TLX3: variants seen among roughly 807,000 people sequenced by gnomAD.
The protein encoded by TLX3 is T cell leukemia homeobox 3, also known as T-cell leukemia homeobox protein 3.
TLX3 carries 11 observed loss-of-function variants against 19.6 expected under a neutral mutation model. The ratio of observed to expected loss-of-function variants is 0.56; its 90% CI spans 0.35 to 0.93. TLX3 has a LOEUF of 0.93. TLX3 is among the 40% of genes least tolerant of loss of function. The pLI, the probability that TLX3 is intolerant of heterozygous loss-of-function variation, is 0.01. For missense variants in TLX3, 375 were observed against 418.6 expected (o/e 0.90, Z 0.91); for synonymous variants, 221 against 188.1 (o/e 1.17, Z -1.43).
chr5:171,309,513 G>T lies in TLX3; in HGVS notation c.148G>T (p.Gly50Cys), dbSNP rs769758584. ...GASYLGGPPGGRPGATYPSLP... is the reference protein window; with the variant it reads ...GASYLGGPPGCRPGATYPSLP... ...CAGCTACCTGGGAGGGCCCCCCGGG[G>T]GCCGTCCGGGCGCCACATACCCGTC... is the stretch of plus-strand genomic sequence containing the variant. The change falls in exon 1 of 3, where the codon GGC becomes TGC. Residue 50 changes from glycine to cysteine, a missense_variant. Gly to Cys is a radical substitution (Grantham distance 159). This residue lies in a region of TLX3 where 239 missense variants were observed against 217.0 expected (regional missense o/e 1.10). Coordinates refer to ENST00000296921, the MANE Select transcript of TLX3 (RefSeq NM_021025.4). 13 of 1,564,856 alleles carry T rather than the reference G, an allele frequency of 8.3e-6. No homozygotes were observed. In the South Asian group the frequency reaches 1.5e-4, roughly 18 times the overall value.
chr5:171,310,037 A>C, intron 1 of TLX3, 113 bp from the exon 2 acceptor site: 1 of 1,432,640 alleles, frequency 7.0e-7, no homozygotes, highest in Non-Finnish European at 9.2e-7. Context: ...AACGCGCGCG[A>C]CCAGCGAAAT....
In TLX3 at chr5:171,311,617, G is replaced by T. The variant is rs1268579906; in HGVS notation, c.*18G>T. On this transcript the variant is annotated 3_prime_UTR_variant, in exon 3 of 3. Coordinates refer to ENST00000296921, the MANE Select transcript of TLX3 (RefSeq NM_021025.4). This position sits in a 1 kb window ranked among gnomAD's most constrained non-coding sequence, Gnocchi z 5.1. ...TGGTGTGAGCCCACCAGCGCGCACC[G>T]TCGCCACGGATCGCCGCCCCCACCC... 1 of 1,579,786 alleles carries T rather than the reference G, an allele frequency of 6.3e-7. No homozygotes were observed. Among genetic ancestry groups the T allele is most frequent in the South Asian group, 1.1e-5 (1 of 88,044 alleles).
rs757786939 is a variant in TLX3 at position 171,311,955 on chromosome 5, T to C, written c.*356T>C. 4.9e-6 allele frequency: 1 copy of C among 202,774 alleles called. No individual in the cohort carries two copies. The highest frequency in any genetic ancestry group is 1.0e-5 in the Non-Finnish European group (1 of 98,598). 12.6% of individuals were successfully genotyped at this position (202,774 alleles called of 1,614,324 possible). A position where few individuals can be genotyped will look rare whatever the true frequency, so the allele number is the denominator to read the frequency against. On this transcript the variant is annotated 3_prime_UTR_variant, in exon 3 of 3. Transcript: ENST00000296921. This position sits in a 1 kb window ranked among gnomAD's most constrained non-coding sequence, Gnocchi z 5.1. ...AATAATAAAAAAGTTTTGGCTTTTT[T>C]CTTTAGAAACCGGCCACCTGCTTCC...
intron 2 of TLX3, among the ~76,000 whole-genome samples, chr5:171,310,937 G>GGAAA (rs1769209480): frequency 1.3e-5 from 2 of 152,140 alleles, no homozygotes; most frequent in Admixed American, 1.3e-4. Flanking sequence ...GATCGCGTCT[G>GGAAA]GAAAGGGGTT....
In TLX3 at chr5:171,309,683, C is replaced by A. The variant is rs1483934469; in HGVS notation, c.318C>A (p.Ser106Arg). The A allele has an allele frequency of 3.1e-6, 5 of 1,609,614 alleles. No homozygotes were observed. Among genetic ancestry groups the A allele is most frequent in the Admixed American group, 1.7e-5 (1 of 59,766 alleles). The change falls in exon 1 of 3, where the codon AGC becomes AGA. Residue 106 changes from serine (S) to arginine (R), a missense_variant. Ser to Arg is a moderately radical substitution (Grantham distance 110). This residue lies in a region of TLX3 where 239 missense variants were observed against 217.0 expected (regional missense o/e 1.10). Transcript: ENST00000296921. Reference protein sequence around the residue: ...LPGAVPPPLPSALPAMPSVPT... With the variant: ...LPGAVPPPLPRALPAMPSVPT... ...GGGCCGTGCCACCGCCTCTGCCAAGCGCGCTACCCGCCATGCCCTCCGTGC... is the reference window on the plus strand; with the variant it reads ...GGGCCGTGCCACCGCCTCTGCCAAGAGCGCTACCCGCCATGCCCTCCGTGC...
At chr5:171,309,883 C>G in intron 1 of TLX3, 97 bp downstream of exon 1, 1 of 1,423,846 alleles carries the variant, frequency 7.0e-7, no homozygotes, top group East Asian at 2.5e-5. Context: ...ATTTCAGAGG[C>G]CCAAGCGCGG....
rs897434191 is a variant in TLX3 at position 171,311,285 on chromosome 5, G to C, written c.666-104G>C. 9.9e-7 allele frequency: 1 copy of C among 1,010,474 alleles called. No individual in the cohort carries two copies. The highest frequency in any genetic ancestry group is 2.8e-5 in the Admixed American group (1 of 35,838). 62.6% of individuals were successfully genotyped at this position (1,010,474 alleles called of 1,614,324 possible). On this transcript the variant is annotated intron_variant, in intron 2 of 2. Coordinates refer to ENST00000296921, the MANE Select transcript of TLX3 (RefSeq NM_021025.4). This position sits in a 1 kb window ranked among gnomAD's most constrained non-coding sequence, Gnocchi z 5.1. ...GGGAGGCAGACGGGTTCTGCGCCTCGAGGCTCCCGGATGGCCTCGGCTCCC... is the reference window on the plus strand; with the variant it reads ...GGGAGGCAGACGGGTTCTGCGCCTCCAGGCTCCCGGATGGCCTCGGCTCCC...
At position 171,311,264 on chromosome 5, in the gene TLX3, G is replaced by A. The variant is rs1769215590; in HGVS notation, c.666-125G>A. 2.1e-5 allele frequency: 16 copies of A among 745,294 alleles called. No individual in the cohort carries two copies. In the East Asian group the frequency reaches 4.4e-4, roughly 21 times the overall value. 46.2% of individuals were successfully genotyped at this position (745,294 alleles called of 1,614,324 possible). A position where few individuals can be genotyped will look rare whatever the true frequency, so the allele number is the denominator to read the frequency against. ...CTCGGGCGTAAAGCGCGGGCTGGGAGGCAGACGGGTTCTGCGCCTCGAGGC... is the reference window on the plus strand; with the variant it reads ...CTCGGGCGTAAAGCGCGGGCTGGGAAGCAGACGGGTTCTGCGCCTCGAGGC... On this transcript the variant is annotated intron_variant, in intron 2 of 2. Transcript: ENST00000296921. The surrounding 1 kb of genome is among the most constrained non-coding windows in gnomAD (Gnocchi z 5.1).
At position 171,311,113 on chromosome 5, in the gene TLX3, T is replaced by C. The variant is rs1156261606; in HGVS notation, c.666-276T>C. Among the ~76,000 whole-genome samples, 1 of 152,102 alleles carries C rather than the reference T, an allele frequency of 6.6e-6. No homozygotes were observed. Among genetic ancestry groups the C allele is most frequent in the African/African-American group, 2.4e-5 (1 of 41,432 alleles). On this transcript the variant is annotated intron_variant, in intron 2 of 2. Coordinates refer to ENST00000296921, the MANE Select transcript of TLX3 (RefSeq NM_021025.4). The surrounding 1 kb of genome is among the most constrained non-coding windows in gnomAD (Gnocchi z 5.1). Reference sequence around the variant, plus strand: ...CCTTGCTATCTGGCGAAAGGAACAATCTTTATTGTTGGTGAAGCCACAATA... The same window carrying C: ...CCTTGCTATCTGGCGAAAGGAACAACCTTTATTGTTGGTGAAGCCACAATA...
chr5:171,309,314 G>A lies in TLX3; in HGVS notation c.-52G>A. 1 of 1,431,158 alleles carries A rather than the reference G, an allele frequency of 7.0e-7. No individual in the cohort carries two copies. Among genetic ancestry groups the A allele is most frequent in the East Asian group, 2.6e-5 (1 of 38,150 alleles). The allele number at this position is 1,431,158 out of a possible 1,614,324, so 88.7% of individuals were successfully genotyped here. ...GCGCTCCATGGCCGCGCCGTAACGG[G>A]GACCCAGCCGCCTCCCCGCCCAGCC... On this transcript the variant is annotated 5_prime_UTR_variant, in exon 1 of 3. Coordinates refer to ENST00000296921, the MANE Select transcript of TLX3 (RefSeq NM_021025.4).
rs1197766933 is a variant in TLX3, at chr5:171,311,557, G to A, written c.834G>A (p.Glu278=). The A allele has an allele frequency of 5.0e-6, 8 of 1,612,906 alleles. No individual in the cohort carries two copies. Among genetic ancestry groups the A allele is most frequent in the South Asian group, 1.1e-5 (1 of 90,892 alleles). The part of the protein sequence containing the change: ...LFALQNLQPW[E]EDSSKVPAVT... Reference sequence around the variant, plus strand: ...CTCTGCAGAATCTGCAGCCCTGGGAGGAGGATAGTTCCAAGGTTCCCGCTG... The same window carrying A: ...CTCTGCAGAATCTGCAGCCCTGGGAAGAGGATAGTTCCAAGGTTCCCGCTG... The change falls in exon 3 of 3, where the codon GAG becomes GAA. Residue 278 remains glutamate, a synonymous_variant. Transcript: ENST00000296921. The surrounding 1 kb of genome is among the most constrained non-coding windows in gnomAD (Gnocchi z 5.1).
In TLX3 at chr5:171,310,393, G is replaced by T; in HGVS notation, c.665G>T (p.Arg222Leu). The change falls in exon 2 of 3, where the codon CGG becomes CTG. Residue 222 changes from arginine to leucine, a missense_variant and splice_region_variant. By Grantham distance (102) the Arg-to-Leu change is moderately radical. This residue lies in a region of TLX3 where 74 missense variants were observed against 138.6 expected (regional missense o/e 0.53). Transcript: ENST00000296921. ...TTCCAAAACCGGAGGACCAAGTGGC[G>T]GTGAGAGAGGCCTGACCCGGCCCAC... is the stretch of plus-strand genomic sequence containing the variant. ...TWFQNRRTKW[R>L]RQTAEEREAE... 1.2e-6 allele frequency: 2 copies of T among 1,613,140 alleles called. No individual in the cohort carries two copies. Among genetic ancestry groups the T allele is most frequent in the Non-Finnish European group, 1.7e-6 (2 of 1,179,712 alleles).
Position 171,309,327 on chromosome 5 carries a change from T to TGCCCCCCCCCCC in TLX3, c.-39_-38insGCCCCCCCCCCC. ...GCGCCGTAACGGGGACCCAGCCGCC[T>TGCCCCCCCCCCC]CCCCGCCCAGCCCAGCCCAGCCCTT... On this transcript the variant is annotated 5_prime_UTR_variant, in exon 1 of 3. Coordinates refer to ENST00000296921, the MANE Select transcript of TLX3 (RefSeq NM_021025.4). The TGCCCCCCCCCCC allele has an allele frequency of 6.8e-5, 66 of 976,948 alleles. No homozygotes were observed. The highest frequency in any genetic ancestry group is 8.0e-5 in the Admixed American group (3 of 37,292). The allele number at this position is 976,948 out of a possible 1,614,324, so 60.5% of individuals were successfully genotyped here.
At position 171,311,325 on chromosome 5, in the gene TLX3, C is replaced by T; in HGVS notation, c.666-64C>T. On this transcript the variant is annotated intron_variant, in intron 2 of 2. Coordinates refer to ENST00000296921, the MANE Select transcript of TLX3 (RefSeq NM_021025.4). The surrounding 1 kb of genome is among the most constrained non-coding windows in gnomAD (Gnocchi z 5.1). ...CCTCGGCTCCCGGGAGGGCCGGGGC[C>T]CCGCCGGCGGCCCCGCGGTGCCGGG... 2 of 1,463,532 alleles carry T rather than the reference C, an allele frequency of 1.4e-6. No individual in the cohort carries two copies. The highest frequency in any genetic ancestry group is 1.8e-6 in the Non-Finnish European group (2 of 1,095,070). 90.7% of individuals were successfully genotyped at this position (1,463,532 alleles called of 1,614,324 possible).
At chr5:171,309,869 A>T (rs1238175346) in intron 1 of TLX3, 83 bp downstream of exon 1, 2 of 1,455,072 alleles carry the variant, frequency 1.4e-6, no homozygotes, top group Non-Finnish European at 1.8e-6. Flanking sequence ...CACTCCCGGA[A>T]ACCATTTCAG....
Position 171,311,763 on chromosome 5 carries a change from G to A in TLX3, c.*164G>A, listed in dbSNP as rs987054156. On this transcript the variant is annotated 3_prime_UTR_variant, in exon 3 of 3. Coordinates refer to ENST00000296921, the MANE Select transcript of TLX3 (RefSeq NM_021025.4). This position sits in a 1 kb window ranked among gnomAD's most constrained non-coding sequence, Gnocchi z 5.1. ...ACAGACTGGCGGGCCGCGGAAGGGG[G>A]TAGGGCCCGAGCTCCGCGCGGCCGC... 54 of 486,648 alleles carry A rather than the reference G, an allele frequency of 1.1e-4. No individual in the cohort carries two copies. Among genetic ancestry groups the A allele is most frequent in the African/African-American group, 1.1e-3 (51 of 48,560 alleles). The allele number at this position is 486,648 out of a possible 1,614,324, so 30.1% of individuals were successfully genotyped here. A position where few individuals can be genotyped will look rare whatever the true frequency, so the allele number is the denominator to read the frequency against.
chr5:171,309,728 C>A lies in TLX3; in HGVS notation c.363C>A (p.Gly121=), dbSNP rs759903402. 1.9e-6 allele frequency: 3 copies of A among 1,610,888 alleles called. No homozygotes were observed. The highest frequency in any genetic ancestry group is 2.5e-6 in the Non-Finnish European group (3 of 1,179,150). ...MPSVPTVSSL[G]GLNFPWMESS... ...CCGTGCCCACGGTCTCCAGCCTTGG[C>A]GGTCTCAATTTCCCCTGGATGGAGA... Residue 121 remains glycine (G), a synonymous_variant, in exon 1 of 3, where the codon GGC becomes GGA. Coordinates refer to ENST00000296921, the MANE Select transcript of TLX3 (RefSeq NM_021025.4).
In TLX3 at chr5:171,310,251, C is replaced by T; in HGVS notation, c.523C>T (p.Arg175Trp). 6.4e-7 allele frequency: 1 copy of T among 1,569,614 alleles called. No individual in the cohort carries two copies. The highest frequency in any genetic ancestry group is 8.6e-7 in the Non-Finnish European group (1 of 1,157,732). The change falls in exon 2 of 3, where the codon CGG becomes TGG. Residue 175 changes from arginine (R) to tryptophan (W), a missense_variant. By Grantham distance (101) the Arg-to-Trp change is moderately radical (BLOSUM62 -3). This residue lies in a region of TLX3 where 74 missense variants were observed against 138.6 expected (regional missense o/e 0.53). Transcript: ENST00000296921. ...KRKKPRTSFS[R>W]VQICELEKRF... ...TAAGAAGCCGCGCACGTCCTTTTCC[C>T]GGGTGCAGATCTGCGAGCTGGAAAA...
chr5:171,309,921 C>T (rs954334617), intron 1 of TLX3, 135 bp downstream of exon 1: 1 of 1,329,590 alleles, frequency 7.5e-7, no homozygotes, highest in Non-Finnish European at 1.0e-6. Flanking sequence ...GGGCCCCGGG[C>T]AGCCGTGGTG....
Sources: allele counts gnomAD v4.1 joint callset (sites outside exome capture counted in the v4.1 genomes callset), GRCh38; gene constraint gnomAD v4.1.1; regional missense constraint gnomAD v4.1.1; non-coding constraint Gnocchi (gnomAD v3.1); transcripts MANE v1.5; gene names NCBI Gene and HGNC (gene_info 2026-07-23, HGNC 2026-07-21).